CNTN4: variants seen among roughly 807,000 people sequenced by gnomAD.
CNTN4 encodes the protein contactin 4.
CNTN4 carries 77 observed loss-of-function variants against 122.5 expected under a neutral mutation model. The ratio of observed to expected loss-of-function variants is 0.63; its 90% CI spans 0.52 to 0.76. CNTN4 has a LOEUF of 0.76. Among genes scored for constraint, CNTN4 ranks in the 30% least tolerant of loss-of-function variants. CNTN4 has a pLI of 0.00. For synonymous variants in CNTN4, 512 were observed against 447.0 expected, an observed-to-expected ratio of 1.15 and a Z score of -1.83; for missense variants, 1,256 against 1,259.1, an observed-to-expected ratio of 1.00 and a Z score of 0.04.
intron 2 of CNTN4, among the ~76,000 whole-genome samples, chr3:2,153,663 CG>C (rs1008573760): frequency 3.5e-5 from 5 of 144,144 alleles, no homozygotes; most frequent in African/African-American, 1.5e-4. Context: ...TTATTCTGAG[CG>C]GGGAGGTAGT....
chr3:2,280,494 C>G (rs1051599761), intron 2 of CNTN4, among the ~76,000 whole-genome samples: 1 of 151,954 alleles, frequency 6.6e-6, no homozygotes, highest in Non-Finnish European at 1.5e-5. Flanking sequence ...GTTTCTTGCC[C>G]CTGGTCCCAC....
chr3:2,840,276 TAG>T (rs1314569052), intron 7 of CNTN4, among the ~76,000 whole-genome samples: 2 of 152,066 alleles, frequency 1.3e-5, no homozygotes, highest in Non-Finnish European at 2.9e-5. Context: ...AAGTTCTCCA[TAG>T]AGAGAGAGAA....
intron 7 of CNTN4, among the ~76,000 whole-genome samples, chr3:2,849,987 TTTTTTTTC>T (rs980364444): frequency 9.7e-6 from 1 of 102,662 alleles, no homozygotes; most frequent in African/African-American, 3.4e-5. Context: ...TAGCAATCAC[TTTTTTTTC>T]TTTTTTTTTT....
At chr3:2,448,525 T>C (rs534361899) in intron 3 of CNTN4, among the ~76,000 whole-genome samples, 2 of 152,254 alleles carry the variant, frequency 1.3e-5, no homozygotes, top group African/African-American at 2.4e-5. Flanking sequence ...AGGATCTAAA[T>C]TGAACACTCG....
At chr3:2,635,462 T>C (rs1306077595) in intron 4 of CNTN4, among the ~76,000 whole-genome samples, 3 of 152,220 alleles carry the variant, frequency 2.0e-5, no homozygotes, top group Non-Finnish European at 2.9e-5. Flanking sequence ...TGTGTATATC[T>C]ACATAAACAT....
At chr3:2,534,553 G>T (rs1575886413) in intron 3 of CNTN4, among the ~76,000 whole-genome samples, 1 of 152,010 alleles carries the variant, frequency 6.6e-6, no homozygotes. Flanking sequence ...CTGAGACACT[G>T]TGTTGAGCGG....
At chr3:2,564,111 C>T (rs1281220207) in intron 3 of CNTN4, among the ~76,000 whole-genome samples, 1 of 151,984 alleles carries the variant, frequency 6.6e-6, no homozygotes, top group Non-Finnish European at 1.5e-5. Flanking sequence ...ACAAAAAAAT[C>T]AAGAAATAGT....
intron 4 of CNTN4, among the ~76,000 whole-genome samples, chr3:2,611,941 G>C (rs1213549519): frequency 6.6e-6 from 1 of 152,068 alleles, no homozygotes; most frequent in Non-Finnish European, 1.5e-5. Flanking sequence ...AGGTGGCCCA[G>C]TTTTATTCAG....
intron 3 of CNTN4, among the ~76,000 whole-genome samples, chr3:2,414,239 A>G (rs2047332366): frequency 6.6e-6 from 1 of 152,220 alleles, no homozygotes; most frequent in Admixed American, 6.5e-5. Flanking sequence ...TAAGTGTTTC[A>G]TCCCTCCTAT....
At chr3:2,926,971 AT>A (rs1458640407) in intron 13 of CNTN4, among the ~76,000 whole-genome samples, 1 of 152,076 alleles carries the variant, frequency 6.6e-6, no homozygotes, top group Non-Finnish European at 1.5e-5. Context: ...CATGAGATTC[AT>A]TTTCTGTTTT....
intron 14 of CNTN4, among the ~76,000 whole-genome samples, chr3:2,989,808 T>G (rs974900618): frequency 2.6e-5 from 4 of 152,214 alleles, no homozygotes; most frequent in Admixed American, 2.6e-4. Context: ...TTTGCTAATG[T>G]ATGACTGTCT....
intron 13 of CNTN4, among the ~76,000 whole-genome samples, chr3:2,937,101 A>T (rs1003333389): frequency 6.6e-6 from 1 of 152,200 alleles, no homozygotes; most frequent in African/African-American, 2.4e-5. Context: ...TCATAGTAAC[A>T]TGATCTTCCC....
intron 3 of CNTN4, among the ~76,000 whole-genome samples, chr3:2,405,200 A>G (rs549873545): frequency 1.3e-5 from 2 of 152,316 alleles, no homozygotes; most frequent in Admixed American, 6.5e-5. Flanking sequence ...GTAAAAATAC[A>G]TGGATTAAAT....
intron 4 of CNTN4, among the ~76,000 whole-genome samples, chr3:2,701,311 G>A (rs1456618285): frequency 6.6e-6 from 1 of 152,142 alleles, no homozygotes; most frequent in East Asian, 1.9e-4. Flanking sequence ...CTTGGTCCTG[G>A]AAATGAGAAA....
At chr3:2,236,186 G>A (rs1311519807) in intron 2 of CNTN4, among the ~76,000 whole-genome samples, 1 of 152,176 alleles carries the variant, frequency 6.6e-6, no homozygotes, top group Non-Finnish European at 1.5e-5. Flanking sequence ...GGGAGCAGTT[G>A]TTAAGTTTAC....
At chr3:2,925,905 CA>C (rs1159921205) in intron 13 of CNTN4, 126 bp downstream of exon 13, 5 of 820,998 alleles carry the variant, frequency 6.1e-6, no homozygotes, top group Non-Finnish European at 9.8e-6. Flanking sequence ...AAAAAAAGAA[CA>C]GAAGCTTTGG....
intron 3 of CNTN4, among the ~76,000 whole-genome samples, chr3:2,363,987 T>C (rs1480993788): frequency 1.3e-5 from 2 of 152,144 alleles, no homozygotes; most frequent in Admixed American, 1.3e-4. Context: ...CATTGGAGAA[T>C]AGAATATTTA....
chr3:2,102,440 G>A (rs538336130), intron 2 of CNTN4, among the ~76,000 whole-genome samples: 1 of 152,148 alleles, frequency 6.6e-6, no homozygotes, highest in Non-Finnish European at 1.5e-5. Context: ...TCAAGAGCTT[G>A]GCTCTTTTAG....
intron 4 of CNTN4, among the ~76,000 whole-genome samples, chr3:2,585,112 A>G (rs973583641): frequency 2.6e-5 from 4 of 152,212 alleles, no homozygotes; most frequent in African/African-American, 9.7e-5. Context: ...TGATGTTTTT[A>G]CATCAAAACA....
Sources: gnomAD v4.1 joint callset for allele counts (sites outside exome capture counted in the v4.1 genomes callset) on GRCh38, gnomAD v4.1.1 for gene constraint, MANE v1.5 for transcripts, NCBI Gene and HGNC (gene_info 2026-07-23, HGNC 2026-07-21) for gene names.